MYO5C: variants seen among roughly 807,000 people sequenced by gnomAD.
MYO5C encodes unconventional myosin-Vc.
MYO5C carries 194 observed loss-of-function variants against 235.7 expected under a neutral mutation model. That is an observed-to-expected ratio of 0.82 (90% CI 0.73 to 0.93). The LOEUF is 0.93. MYO5C is among the 40% of genes least tolerant of loss of function. MYO5C has a pLI of 0.00. For missense variants in MYO5C, 2,038 were observed against 2,127.2 expected (o/e 0.96, Z 0.82); for synonymous variants, 707 against 754.8 (o/e 0.94, Z 1.04).
Position 52,268,792 on chromosome 15 carries a change from T to G in MYO5C, c.940+961A>C, listed in dbSNP as rs548042544. On this transcript the variant is annotated intron_variant, in intron 8 of 40. Coordinates refer to ENST00000261839, the MANE Select transcript of MYO5C (RefSeq NM_018728.4). ...GTGACAGTCGTGCCTGCTCCACCTGTGCCGGCATCTGAGCAATAGAAGATG... is the reference window on the plus strand; with the variant it reads ...GTGACAGTCGTGCCTGCTCCACCTGGGCCGGCATCTGAGCAATAGAAGATG... Among the ~76,000 whole-genome samples, 279 of 152,342 alleles carry G rather than the reference T, an allele frequency of 1.8e-3. 1 individual carries two copies. The highest frequency in any genetic ancestry group is 6.5e-3 in the African/African-American group (269 of 41,578).
chr15:52,250,230 T>C (rs139233116), intron 13 of MYO5C, among the ~76,000 whole-genome samples: 603 of 128,022 alleles, frequency 4.7e-3, no homozygotes, highest in African/African-American at 0.017. Flanking sequence ...CTTATCTTTT[T>C]TTTTTCTTTT....
chr15:52,289,022 T>C (rs2037334394), intron 1 of MYO5C, among the ~76,000 whole-genome samples: 1 of 152,308 alleles, frequency 6.6e-6, no homozygotes, highest in East Asian at 1.9e-4. Context: ...ATATGGAAGA[T>C]GGGACAAGAT....
chr15:52,254,235 C>T (rs988701331), intron 11 of MYO5C, among the ~76,000 whole-genome samples: 5 of 152,170 alleles, frequency 3.3e-5, no homozygotes, highest in East Asian at 1.9e-4. Context: ...CGCTGGAGGG[C>T]GGAGGGGTTA....
chr15:52,270,355 C>T (rs1369817318), intron 7 of MYO5C, among the ~76,000 whole-genome samples: 1 of 152,166 alleles, frequency 6.6e-6, no homozygotes, highest in Non-Finnish European at 1.5e-5. Context: ...AAGTGACTTT[C>T]TCAAGTTCCA....
chr15:52,237,575 C>T lies in MYO5C; in HGVS notation c.2775G>A (p.Lys925=). ...CTAGTTCTGCTTCCAGCTTCTGAAT[C>T]TTTTCCACATCCCCAGCTCGAAGAG... is the stretch of plus-strand genomic sequence containing the variant. ...LAALRAGDVE[K]IQKLEAELEK... is the part of the protein sequence containing the mutation. The change falls in exon 22 of 41, where the codon AAG becomes AAA. Residue 925 remains lysine, a synonymous_variant. Coordinates refer to ENST00000261839, the MANE Select transcript of MYO5C (RefSeq NM_018728.4). 6.2e-7 allele frequency: 1 copy of T among 1,614,162 alleles called. No homozygotes were observed. The highest frequency in any genetic ancestry group is 8.5e-7 in the Non-Finnish European group (1 of 1,180,036).
intron 10 of MYO5C, among the ~76,000 whole-genome samples, chr15:52,257,202 A>T (rs2036602293): frequency 6.6e-6 from 1 of 152,246 alleles, no homozygotes; most frequent in Non-Finnish European, 1.5e-5. Flanking sequence ...GCACAACTGC[A>T]GCACAATTTT....
chr15:52,264,079 T>A (rs924750937), intron 9 of MYO5C, 111 bp downstream of exon 9: 1 of 743,262 alleles, frequency 1.3e-6, no homozygotes, highest in African/African-American at 1.8e-5. Context: ...TAAACCAGTC[T>A]ACCCAGGAGG....
chr15:52,273,707 T>C (rs1480231774), intron 5 of MYO5C, among the ~76,000 whole-genome samples: 2 of 152,164 alleles, frequency 1.3e-5, no homozygotes, highest in Non-Finnish European at 2.9e-5. Flanking sequence ...GAGAAATAAA[T>C]TTCTGTTGTT....
chr15:52,219,888 G>T, intron 30 of MYO5C, 66 bp from the exon 31 acceptor site: 2 of 1,322,110 alleles, frequency 1.5e-6, no homozygotes, highest in Non-Finnish European at 1.1e-6. Flanking sequence ...TTTGGGTTTG[G>T]TATTATTTTC....
rs776775067 is a variant in MYO5C at position 52,246,057 on chromosome 15, T to C, written c.1980-15A>G. 1 of 1,608,006 alleles carries C rather than the reference T, an allele frequency of 6.2e-7. No individual in the cohort carries two copies. On this transcript the variant is annotated splice_polypyrimidine_tract_variant and intron_variant, in intron 16 of 40. Coordinates refer to ENST00000261839, the MANE Select transcript of MYO5C (RefSeq NM_018728.4). ...TGGAGTCAAATCTTTAAAAAGACAA[T>C]GATATTATGTGTTGAGGCATCGTAA...
chr15:52,196,417 T>A lies in MYO5C; in HGVS notation c.4887A>T (p.Glu1629Asp). The change falls in exon 39 of 41, where the codon GAA (glutamate) becomes GAT (aspartate). Residue 1629 changes from glutamate (E) to aspartate (D), a missense_variant. Coordinates refer to ENST00000261839, the MANE Select transcript of MYO5C (RefSeq NM_018728.4). ...DKNLQNSLAKETLEPLSQAAW... is the reference protein window; with the variant it reads ...DKNLQNSLAKDTLEPLSQAAW... ...CTGCCTGAGAGAGGGGCTCCAAAGT[T>A]TCCTTTGCTAAGCTGTTCTGCAAGT... 1 of 1,614,214 alleles carries A rather than the reference T, an allele frequency of 6.2e-7. No individual in the cohort carries two copies. Among genetic ancestry groups the A allele is most frequent in the Non-Finnish European group, 8.5e-7 (1 of 1,180,034 alleles).
chr15:52,265,430 A>G, intron 8 of MYO5C, among the ~76,000 whole-genome samples: 1 of 151,886 alleles, frequency 6.6e-6, no homozygotes, highest in East Asian at 1.9e-4. Context: ...TGCCTGGTCC[A>G]CCCTGGAATG....
intron 1 of MYO5C, 57 bp from the exon 2 acceptor site, chr15:52,282,949 G>A: frequency 9.1e-7 from 1 of 1,097,494 alleles, no homozygotes; most frequent in Non-Finnish European, 1.4e-6. Flanking sequence ...ATGGATCAAT[G>A]CATGGTTAGA....
At chr15:52,277,764 C>T in intron 4 of MYO5C, 1 of 447,508 alleles carries the variant, frequency 2.2e-6, no homozygotes, top group East Asian at 7.0e-5. Context: ...GGCACCGGGT[C>T]TCTGATGACT....
chr15:52,276,092 C>G (rs1265664628), intron 4 of MYO5C, among the ~76,000 whole-genome samples: 1 of 152,160 alleles, frequency 6.6e-6, no homozygotes, highest in Non-Finnish European at 1.5e-5. Flanking sequence ...CCCACCCTCT[C>G]CTGAGCACCC....
chr15:52,246,250 C>T (rs1260982512), intron 16 of MYO5C, among the ~76,000 whole-genome samples: 1 of 152,202 alleles, frequency 6.6e-6, no homozygotes, highest in Non-Finnish European at 1.5e-5. Flanking sequence ...GAGCAGCTGA[C>T]TCTGATGGAG....
intron 12 of MYO5C, among the ~76,000 whole-genome samples, chr15:52,252,905 A>T (rs944865460): frequency 6.6e-6 from 1 of 152,254 alleles, no homozygotes. Context: ...AATGGTAAGA[A>T]GAAAACTCTA....
chr15:52,256,069 G>C (rs566315707), intron 11 of MYO5C, among the ~76,000 whole-genome samples: 3 of 152,218 alleles, frequency 2.0e-5, no homozygotes, highest in African/African-American at 7.2e-5. Flanking sequence ...GGCTGAGAGA[G>C]ACAAAGAATG....
chr15:52,195,902 G>A (rs903482949), intron 39 of MYO5C, among the ~76,000 whole-genome samples: 2 of 145,428 alleles, frequency 1.4e-5, no homozygotes, highest in Non-Finnish European at 1.5e-5. Flanking sequence ...GGACTCATGC[G>A]ATCCTCCCGC....
Sources: allele counts gnomAD v4.1 joint callset (sites outside exome capture counted in the v4.1 genomes callset), GRCh38; gene constraint gnomAD v4.1.1; transcripts MANE v1.5; gene names NCBI Gene and HGNC (gene_info 2026-07-23, HGNC 2026-07-21).